Variants in CCDC157 observed in about 807,000 individuals in gnomAD.
CCDC157 encodes the protein coiled-coil domain-containing protein 157.
Under a neutral mutation model 70.9 loss-of-function variants are expected in CCDC157, and 60 were observed. The ratio of observed to expected loss-of-function variants is 0.85; its 90% confidence interval spans 0.69 to 1.05. CCDC157 has a LOEUF of 1.05. Ranked by LOEUF, CCDC157 falls within the 50% of genes least tolerant of loss-of-function variation. The probability of loss-of-function intolerance (pLI) is 0.00; values close to 1 mark genes in which losing one functional copy is unlikely to be tolerated. For synonymous variants in CCDC157, 373 were observed against 422.4 expected (o/e 0.88, Z 1.43); for missense variants, 943 against 984.2 (o/e 0.96, Z 0.56).
intron 9 of CCDC157, chr22:30,374,454 C>G: frequency 2.1e-6 from 1 of 480,384 alleles, no homozygotes; most frequent in South Asian, 1.5e-5. Flanking sequence ...GTCCCCAAAC[C>G]ACACCATGGG....
rs1244071359 is a variant in CCDC157, at chr22:30,377,113, T to C, written c.*368T>C. The C allele has an allele frequency of 3.2e-5, 9 of 280,766 alleles. No individual in the cohort carries two copies. Among genetic ancestry groups the C allele is most frequent in the African/African-American group, 6.4e-5 (3 of 46,976 alleles). 17.4% of individuals were successfully genotyped at this position (280,766 alleles called of 1,614,324 possible). A position where few individuals can be genotyped will look rare whatever the true frequency, so the allele number is the denominator to read the frequency against. ...TGAACCTTGGCTCAGTGGCCCGCAC[T>C]GACTCAGGAAGGGGTCAGGTGGGAG... is the stretch of plus-strand genomic sequence containing the variant. On this transcript the variant is annotated 3_prime_UTR_variant, in exon 12 of 12. Transcript: ENST00000338306.
intron 6 of CCDC157, 140 bp downstream of exon 6, chr22:30,371,867 ACACTATTGGCGATGACCAAACTGGGTTGC>A: frequency 1.2e-6 from 1 of 831,746 alleles, no homozygotes; most frequent in Non-Finnish European, 1.9e-6. Context: ...CTGACCAACC[ACACTATTGGCGATGACCAAACTGGGTTGC>A]CACCTCCTAC....
upstream of CCDC157, chr22:30,356,906 G>C: frequency 2.1e-6 from 2 of 945,936 alleles, no homozygotes; most frequent in South Asian, 8.0e-5. Flanking sequence ...GCGGCCGAGC[G>C]AGTTGCGGCC....
In CCDC157 at chr22:30,370,455, T is replaced by G. The variant is rs150581663; in HGVS notation, c.550T>G (p.Cys184Gly). 1 of 1,614,062 alleles carries G rather than the reference T, an allele frequency of 6.2e-7. No homozygotes were observed. ...CCCAGTGCTAGGCTTGCCCCAGACC[T>G]GCCAAGAGCCAGAGAGCATCCCTGT... The part of the protein sequence containing the change: ...SSPVLGLPQT[C>G]QEPESIPVRA... Residue 184 changes from cysteine (C) to glycine (G), a missense_variant, in exon 5 of 12, where the codon TGC becomes GGC. Physicochemically the swap from Cys to Gly is radical, Grantham distance 159. Transcript: ENST00000338306.
At position 30,366,267 on chromosome 22, in the gene CCDC157, C is replaced by T. The variant is rs775428315; in HGVS notation, c.248+19C>T. 2 of 1,612,178 alleles carry T rather than the reference C, an allele frequency of 1.2e-6. No individual in the cohort carries two copies. Among genetic ancestry groups the T allele is most frequent in the Non-Finnish European group, 1.7e-6 (2 of 1,178,570 alleles). On this transcript the variant is annotated intron_variant, in intron 3 of 11. Transcript: ENST00000338306. The stretch of plus-strand genomic sequence containing the variant: ...TCGACAGGTGAGGGCCTTGACCAAG[C>T]CTGGTCATCTCAGGATGCCAGCACC...
In CCDC157 at chr22:30,370,676, G is replaced by A; in HGVS notation, c.771G>A (p.Leu257=). The A allele has an allele frequency of 6.2e-7, 1 of 1,613,790 alleles. No homozygotes were observed. Among genetic ancestry groups the A allele is most frequent in the Non-Finnish European group, 8.5e-7 (1 of 1,179,938 alleles). Residue 257 remains leucine (L), a synonymous_variant, in exon 5 of 12, where the codon CTG becomes CTA. Transcript: ENST00000338306. ...CGTCCTTAGGCCAGTTCCAGCAACT[G>A]GTGCAGGACAGCATGGGGCTCAGGC... The part of the protein sequence containing the change: ...LPSSLGQFQQ[L]VQDSMGLRPL...
intron 4 of CCDC157, 58 bp downstream of exon 4, chr22:30,369,661 G>T: frequency 3.0e-6 from 4 of 1,351,418 alleles, no homozygotes; most frequent in Non-Finnish European, 3.9e-6. Context: ...CCCCACTGTG[G>T]TGGCCTTCAC....
At chr22:30,362,752 C>T (rs1280955023) in intron 2 of CCDC157, among the ~76,000 whole-genome samples, 1 of 151,778 alleles carries the variant, frequency 6.6e-6, no homozygotes, top group Non-Finnish European at 1.5e-5. Context: ...AGTGTGGTCT[C>T]GATGTAGGAT....
chr22:30,370,861 A>T lies in CCDC157; in HGVS notation c.956A>T (p.Lys319Ile). Reference sequence around the variant, plus strand: ...GCGGGCAAGCTGGAGCAGGCGCTGAAACAGGAGCAGGGGGCACGGCGGCGA... The same window carrying T: ...GCGGGCAAGCTGGAGCAGGCGCTGATACAGGAGCAGGGGGCACGGCGGCGA... ...KQAGKLEQAL[K>I]QEQGARRRQA... The change falls in exon 5 of 12, where the codon AAA (lysine) becomes ATA (isoleucine). Residue 319 changes from lysine (K) to isoleucine (I), a missense_variant. By Grantham distance (102) the Lys-to-Ile change is moderately radical. Coordinates refer to ENST00000338306, the MANE Select transcript of CCDC157 (RefSeq NM_001017437.5). The T allele has an allele frequency of 1.2e-6, 2 of 1,612,382 alleles. No homozygotes were observed. The highest frequency in any genetic ancestry group is 1.1e-5 in the South Asian group (1 of 91,036).
At chr22:30,373,526 T>G in intron 7 of CCDC157, 71 bp from the exon 8 acceptor site, 2 of 1,506,462 alleles carry the variant, frequency 1.3e-6, no homozygotes, top group Non-Finnish European at 1.8e-6. Context: ...TGCTGTAGCC[T>G]CCTTAGTTCC....
At chr22:30,373,877 C>T (rs573416963) in intron 8 of CCDC157, 46 bp from the exon 9 acceptor site, 93 of 1,576,622 alleles carry the variant, frequency 5.9e-5, no homozygotes, top group Non-Finnish European at 7.9e-5. Context: ...CGCTGAGTAC[C>T]ATGTAGCTCA....
At chr22:30,357,806 C>A (rs375942505) in intron 1 of CCDC157, among the ~76,000 whole-genome samples, 2 of 151,924 alleles carry the variant, frequency 1.3e-5, no homozygotes, top group African/African-American at 2.4e-5. Flanking sequence ...CGTGAGCCAC[C>A]GCGCCCGGCC....
At chr22:30,372,019 G>A (rs1315046670) in intron 6 of CCDC157, 56 bp from the exon 7 acceptor site, 4 of 1,200,036 alleles carry the variant, frequency 3.3e-6, no homozygotes, top group Non-Finnish European at 4.7e-6. Context: ...TCCTAGGTCT[G>A]AGGTAGTACA....
intron 3 of CCDC157, among the ~76,000 whole-genome samples, chr22:30,367,328 T>C (rs1301101542): frequency 4.0e-5 from 6 of 151,838 alleles, no homozygotes. Flanking sequence ...CTCCACCTCC[T>C]GGGTTCAAGA....
intron 4 of CCDC157, 47 bp from the exon 5 acceptor site, chr22:30,370,279 T>G: frequency 6.3e-7 from 1 of 1,596,182 alleles, no homozygotes. Context: ...CACCTCCCTC[T>G]CTACTCTCTC....
At chr22:30,371,196 C>T (rs570666089) in intron 5 of CCDC157, 5 of 575,382 alleles carry the variant, frequency 8.7e-6, no homozygotes, top group South Asian at 2.1e-5. Context: ...ACTCGTCCAT[C>T]GGTCAGTGAG....
chr22:30,364,181 T>A (rs1932558631), intron 2 of CCDC157, among the ~76,000 whole-genome samples: 1 of 152,000 alleles, frequency 6.6e-6, no homozygotes, highest in African/African-American at 2.4e-5. Flanking sequence ...CCCAAAATAA[T>A]AAATAATTAG....
At chr22:30,361,322 C>G (rs932434547) in intron 1 of CCDC157, among the ~76,000 whole-genome samples, 2 of 151,496 alleles carry the variant, frequency 1.3e-5, no homozygotes, top group Admixed American at 6.6e-5. Context: ...TTAGTAAGGC[C>G]TGTTTGCTCA....
At chr22:30,367,785 G>A (rs925988414) in intron 3 of CCDC157, among the ~76,000 whole-genome samples, 4 of 151,952 alleles carry the variant, frequency 2.6e-5, no homozygotes, top group African/African-American at 4.8e-5. Context: ...GTTGGCTCAC[G>A]TCTGTAATCC....
Sources: gnomAD v4.1 joint callset for allele counts (sites outside exome capture counted in the v4.1 genomes callset) on GRCh38, gnomAD v4.1.1 for gene constraint, MANE v1.5 for transcripts, NCBI Gene and HGNC (gene_info 2026-07-23, HGNC 2026-07-21) for gene names.